The following USP47 variants were observed in gnomAD, a reference collection of about 807,000 sequenced individuals.
USP47 encodes ubiquitin specific peptidase 47, also known as ubiquitin carboxyl-terminal hydrolase 47.
USP47 carries 35 observed loss-of-function variants against 165.1 expected under a neutral mutation model. That is an observed-to-expected ratio of 0.21 (90% confidence interval 0.16 to 0.28). The LOEUF is 0.28. USP47 is among the 10% of genes least tolerant of loss of function. The pLI, the probability that USP47 is intolerant of heterozygous loss-of-function variation, is 1.00. For missense variants in USP47, 1,277 were observed against 1,607.4 expected, an observed-to-expected ratio of 0.79 and a Z score of 3.52; for synonymous variants, 531 against 544.5, an observed-to-expected ratio of 0.98 and a Z score of 0.35.
intron 1 of USP47, among the ~76,000 whole-genome samples, chr11:11,853,761 A>C (rs1006502050): frequency 1.3e-5 from 2 of 152,182 alleles, no homozygotes. Flanking sequence ...CTGTTGAGAG[A>C]TTACAGTTTT....
chr11:11,877,801 CTCTCTGTGTG>C (rs1423332606), intron 1 of USP47, among the ~76,000 whole-genome samples: 1 of 50,426 alleles, frequency 2.0e-5, no homozygotes, highest in African/African-American at 6.9e-5. Flanking sequence ...CTCTCTCTCT[CTCTCTGTGTG>C]TGTGTGTGTG....
chr11:11,949,998 T>C lies in USP47; in HGVS notation c.3458T>C (p.Ile1153Thr), dbSNP rs75225371. 2.3e-4 allele frequency: 373 copies of C among 1,605,606 alleles called. 1 individual carries two copies. The African/African-American group carries it at 4.6e-3, about 20-fold the overall frequency. Reference sequence around the variant, plus strand: ...GAGCAATGTGGTTTAGAGCTCAGTATTGACAGGTAAAGTAAAATTAATGTC... The same window carrying C: ...GAGCAATGTGGTTTAGAGCTCAGTACTGACAGGTAAAGTAAAATTAATGTC... ...LREQCGLELS[I>T]DRFRLRKKTW... Residue 1153 changes from isoleucine to threonine, a missense_variant, in exon 23 of 28, where the codon ATT becomes ACT. By Grantham distance (89) the Ile-to-Thr change is moderately conservative. Around this residue, in one of 4 missense-constraint regions of USP47, gnomAD observed 909 missense variants for 1,068.1 expected, o/e 0.85. Coordinates refer to ENST00000527733, the MANE Select transcript of USP47 (RefSeq NM_001282659.2).
In USP47 at chr11:11,952,782, T is replaced by A. The variant is rs566512084; in HGVS notation, c.3625T>A (p.Ser1209Thr). 1 of 1,613,012 alleles carries A rather than the reference T, an allele frequency of 6.2e-7. No homozygotes were observed. Among genetic ancestry groups the A allele is most frequent in the East Asian group, 2.2e-5 (1 of 44,782 alleles). The change falls in exon 25 of 28, where the codon TCA (serine) becomes ACA (threonine). Residue 1209 changes from serine to threonine, a missense_variant. By Grantham distance (58) the Ser-to-Thr change is moderately conservative (BLOSUM62 1). Transcript: ENST00000527733. ...GTCCATGTCACAGCTTGCAGTTTTG[T>A]CAAGACGGTGGAAGCCTTCAGAGAT... ...MKSMSQLAVL[S>T]RRWKPSEMKL... is the part of the protein sequence containing the mutation.
chr11:11,861,742 A>T (rs1281460241), intron 1 of USP47, among the ~76,000 whole-genome samples: 1 of 152,208 alleles, frequency 6.6e-6, no homozygotes, highest in Admixed American at 6.6e-5. Context: ...GTATGAAAAT[A>T]AGTATTTTTA....
intron 8 of USP47, among the ~76,000 whole-genome samples, chr11:11,917,822 A>G (rs929475666): frequency 1.1e-4 from 17 of 152,198 alleles, no homozygotes; most frequent in Non-Finnish European, 2.2e-4. Context: ...TGACTGAGAT[A>G]GGACCAAGCA....
At chr11:11,913,275 A>AAC (rs1335949425) in intron 8 of USP47, among the ~76,000 whole-genome samples, 10 of 149,368 alleles carry the variant, frequency 6.7e-5, no homozygotes, top group Admixed American at 3.3e-4. Context: ...AAAAAAAAAA[A>AAC]AACAACACCT....
chr11:11,872,828 C>G (rs1387994126), intron 1 of USP47, among the ~76,000 whole-genome samples: 1 of 152,042 alleles, frequency 6.6e-6, no homozygotes, highest in African/African-American at 2.4e-5. Context: ...TACAAACAAG[C>G]AATGCTGTAG....
intron 3 of USP47, among the ~76,000 whole-genome samples, chr11:11,890,703 A>G (rs1460470204): frequency 6.6e-6 from 1 of 152,184 alleles, no homozygotes; most frequent in Non-Finnish European, 1.5e-5. Context: ...ATAAAGATAC[A>G]TGCACTCATA....
chr11:11,923,041 CATATATATATATATATATATAT>C (rs56976706), intron 11 of USP47, 150 bp downstream of exon 11: 5,071 of 140,112 alleles, frequency 0.036, 405 homozygotes, highest in African/African-American at 0.16. Flanking sequence ...TTTTTTTGTA[CATATATATATATATATATATAT>C]ATATATATAT....
intron 11 of USP47, 51 bp downstream of exon 11, chr11:11,922,942 C>T (rs754553462): frequency 6.5e-7 from 1 of 1,545,774 alleles, no homozygotes; most frequent in South Asian, 1.2e-5. Flanking sequence ...TAATCTCTGA[C>T]TTCCTATATA....
chr11:11,904,309 A>T lies in USP47; in HGVS notation c.819+967A>T, dbSNP rs553412602. Among the ~76,000 whole-genome samples the T allele has an allele frequency of 5.9e-5, 9 of 152,344 alleles. No homozygotes were observed. In the South Asian group the frequency reaches 1.9e-3, roughly 32 times the overall value. ...TGATGAATGAAGAAGGCTTCATTAAATAAGTGGTTTTAGTGTAGACAGTGA... is the reference window on the plus strand; with the variant it reads ...TGATGAATGAAGAAGGCTTCATTAATTAAGTGGTTTTAGTGTAGACAGTGA... On this transcript the variant is annotated intron_variant, in intron 7 of 27. Coordinates refer to ENST00000527733, the MANE Select transcript of USP47 (RefSeq NM_001282659.2).
At chr11:11,877,528 TG>T (rs1396663450) in intron 1 of USP47, among the ~76,000 whole-genome samples, 1 of 152,194 alleles carries the variant, frequency 6.6e-6, no homozygotes, top group African/African-American at 2.4e-5. Context: ...TGAAGTTTTA[TG>T]TAGGTGTTCA....
At chr11:11,948,930 G>A (rs1856034343) in intron 22 of USP47, 1 of 190,626 alleles carries the variant, frequency 5.2e-6, no homozygotes, top group South Asian at 1.2e-4. Context: ...TTTTGTGCGT[G>A]TGCTTGCTTT....
At chr11:11,859,943 A>G (rs1357944910) in intron 1 of USP47, among the ~76,000 whole-genome samples, 2 of 151,824 alleles carry the variant, frequency 1.3e-5, no homozygotes, top group East Asian at 3.9e-4. Flanking sequence ...ATCTCTACTA[A>G]AAATACAAAA....
rs1847387839 is a variant in USP47, at chr11:11,960,166, C to G, written c.*3991C>G. Among the ~76,000 whole-genome samples the G allele has an allele frequency of 6.6e-6, 1 of 152,102 alleles. No individual in the cohort carries two copies. The highest frequency in any genetic ancestry group is 2.1e-4 in the South Asian group (1 of 4,828). On this transcript the variant is annotated 3_prime_UTR_variant, in exon 28 of 28. Coordinates refer to ENST00000527733, the MANE Select transcript of USP47 (RefSeq NM_001282659.2). ...GTTCAGTGGTTTCATTCAAAGCTCC[C>G]CTGAACCTCCATAGTGCCTCCAAGA...
intron 27 of USP47, 130 bp from the exon 28 acceptor site, chr11:11,955,871 T>A: frequency 1.4e-6 from 1 of 734,392 alleles, no homozygotes; most frequent in Non-Finnish European, 2.1e-6. Flanking sequence ...CATCTCAGTA[T>A]ATAAAATAAT....
chr11:11,867,921 G>A (rs1025389952), intron 1 of USP47, among the ~76,000 whole-genome samples: 2 of 152,154 alleles, frequency 1.3e-5, no homozygotes, highest in East Asian at 3.9e-4. Context: ...GTGAATTGGG[G>A]CTGCAAATCA....
chr11:11,927,392 A>G (rs1854328592), intron 11 of USP47, among the ~76,000 whole-genome samples: 1 of 152,040 alleles, frequency 6.6e-6, no homozygotes, highest in Non-Finnish European at 1.5e-5. Flanking sequence ...GTTTTTGTAA[A>G]TAAAGATTTA....
chr11:11,916,187 G>C (rs1421547645), intron 8 of USP47, among the ~76,000 whole-genome samples: 2 of 152,098 alleles, frequency 1.3e-5, no homozygotes, highest in African/African-American at 2.4e-5. Context: ...GGTGGCTCAC[G>C]CCTGTAATCC....
Sources: gnomAD v4.1 joint callset for allele counts (sites outside exome capture counted in the v4.1 genomes callset) on GRCh38, gnomAD v4.1.1 for gene constraint, gnomAD v4.1.1 regional missense constraint, MANE v1.5 for transcripts, NCBI Gene and HGNC (gene_info 2026-07-23, HGNC 2026-07-21) for gene names.